Variants in QRFPR observed in about 807,000 individuals in gnomAD.
The protein encoded by QRFPR is pyroglutamylated RFamide peptide receptor.
QRFPR carries 37 observed loss-of-function variants against 31.3 expected under a neutral mutation model. That is an observed-to-expected ratio of 1.18 (90% CI 0.91 to 1.56). QRFPR has a LOEUF of 1.56. QRFPR is among the 40% of genes most tolerant of loss of function. The pLI, the probability that QRFPR is intolerant of heterozygous loss-of-function variation, is 0.00. For missense variants in QRFPR, 542 were observed against 532.5 expected (o/e 1.02, Z -0.18); for synonymous variants, 197 against 192.0 (o/e 1.03, Z -0.22).
At position 121,329,507 on chromosome 4, in the gene QRFPR, G is replaced by A; in HGVS notation, c.1103C>T (p.Thr368Ile). 1 of 1,614,044 alleles carries A rather than the reference G, an allele frequency of 6.2e-7. No homozygotes were observed. Among genetic ancestry groups the A allele is most frequent in the East Asian group, 2.2e-5 (1 of 44,866 alleles). Residue 368 changes from threonine to isoleucine, a missense_variant, in exon 6 of 6, where the codon ACA (threonine) becomes ATA (isoleucine). Coordinates refer to ENST00000394427, the MANE Select transcript of QRFPR (RefSeq NM_198179.3). The stretch of plus-strand genomic sequence containing the variant: ...AAACTTTGCTTTCTTCCGCATCATT[G>A]TAATTCCTGAATTTCCATGCCTTTG... ...PAQRHGNSGI[T>I]MMRKKAKFSL...
At chr4:121,334,378 T>G (rs1360597790) in intron 3 of QRFPR, 1 of 158,432 alleles carries the variant, frequency 6.3e-6, no homozygotes, top group Non-Finnish European at 1.4e-5. Context: ...CTGCCTAATA[T>G]CGTCCCCAAG....
At chr4:121,353,686 T>C (rs543823234) in intron 1 of QRFPR, among the ~76,000 whole-genome samples, 226 of 152,258 alleles carry the variant, frequency 1.5e-3, no homozygotes, top group African/African-American at 5.2e-3. Flanking sequence ...GTTGACCGTT[T>C]CCTTTGCTGT....
intron 1 of QRFPR, among the ~76,000 whole-genome samples, chr4:121,353,801 G>A (rs1464618686): frequency 6.6e-6 from 1 of 151,906 alleles, no homozygotes; most frequent in Non-Finnish European, 1.5e-5. Context: ...TCAATGTTCT[G>A]GACTGTTTAC....
intron 1 of QRFPR, among the ~76,000 whole-genome samples, chr4:121,353,624 G>A (rs1439880753): frequency 6.6e-5 from 10 of 152,056 alleles, no homozygotes; most frequent in Non-Finnish European, 1.5e-4. Flanking sequence ...TCCTTTGTCA[G>A]ATGGGTATTT....
At chr4:121,357,165 C>T (rs1725886306) in intron 1 of QRFPR, among the ~76,000 whole-genome samples, 1 of 152,016 alleles carries the variant, frequency 6.6e-6, no homozygotes, top group Non-Finnish European at 1.5e-5. Context: ...GTCAACAGGG[C>T]TGTGTTCTTT....
intron 4 of QRFPR, among the ~76,000 whole-genome samples, chr4:121,332,567 T>A (rs1008612078): frequency 3.3e-5 from 5 of 152,172 alleles, no homozygotes; most frequent in African/African-American, 1.2e-4. Flanking sequence ...TACCACATCA[T>A]GTATGTTCTA....
At chr4:121,345,698 T>C (rs1463387429) in intron 1 of QRFPR, among the ~76,000 whole-genome samples, 1 of 152,320 alleles carries the variant, frequency 6.6e-6, no homozygotes, top group African/African-American at 2.4e-5. Flanking sequence ...ATCTACTGCC[T>C]TCCATTCTCA....
At chr4:121,360,695 C>T (rs1405207599) in intron 1 of QRFPR, among the ~76,000 whole-genome samples, 13 of 152,168 alleles carry the variant, frequency 8.5e-5, no homozygotes, top group Admixed American at 8.5e-4. Context: ...TCATGGGTTG[C>T]AACTCTTACT....
rs1483132146 is a variant in QRFPR, at chr4:121,349,736, C to A, written c.341-9126G>T. Reference sequence around the variant, plus strand: ...TAAGTATAACTAAAACATAGGAAAGCCAGCATTTAAAATATAAAATCCTAA... The same window carrying A: ...TAAGTATAACTAAAACATAGGAAAGACAGCATTTAAAATATAAAATCCTAA... On this transcript the variant is annotated intron_variant, in intron 1 of 5. Transcript: ENST00000394427. Among the ~76,000 whole-genome samples, 4 of 152,090 alleles carry A rather than the reference C, an allele frequency of 2.6e-5. No individual in the cohort carries two copies. In the East Asian group the frequency reaches 7.7e-4, roughly 29 times the overall value.
At chr4:121,330,588 A>ATC in intron 4 of QRFPR, 65 bp from the exon 5 acceptor site, 1 of 1,153,236 alleles carries the variant, frequency 8.7e-7, no homozygotes, top group Non-Finnish European at 1.3e-6. Context: ...GCTTGATAGC[A>ATC]AAGCTATTAA....
intron 1 of QRFPR, among the ~76,000 whole-genome samples, chr4:121,355,945 CA>C (rs1352937559): frequency 6.6e-6 from 1 of 151,810 alleles, no homozygotes; most frequent in Non-Finnish European, 1.5e-5. Context: ...TTTCATTTTT[CA>C]AAAAAATTTT....
chr4:121,329,666 G>A lies in QRFPR; in HGVS notation c.944C>T (p.Ala315Val), dbSNP rs1443663067. The change falls in exon 6 of 6, where the codon GCT (alanine) becomes GTT (valine). Residue 315 changes from alanine to valine, a missense_variant. Coordinates refer to ENST00000394427, the MANE Select transcript of QRFPR (RefSeq NM_198179.3). ...YDDVTIKMIF[A>V]IVQIIGFSNS... ...GGAAAATCCAATAATTTGCACGATAGCAAAAATCATCTTGATTGTGACATC... is the reference window on the plus strand; with the variant it reads ...GGAAAATCCAATAATTTGCACGATAACAAAAATCATCTTGATTGTGACATC... 6.4e-7 allele frequency: 1 copy of A among 1,574,626 alleles called. No individual in the cohort carries two copies. The highest frequency in any genetic ancestry group is 1.9e-5 in the Admixed American group (1 of 52,752).
At chr4:121,339,787 C>T (rs893215064) in intron 2 of QRFPR, among the ~76,000 whole-genome samples, 7 of 152,012 alleles carry the variant, frequency 4.6e-5, no homozygotes, top group Non-Finnish European at 7.4e-5. Flanking sequence ...GACCCTGTTG[C>T]TACCAAAAAT....
chr4:121,378,669 C>T (rs537938794), intron 1 of QRFPR, among the ~76,000 whole-genome samples: 3 of 152,138 alleles, frequency 2.0e-5, no homozygotes, highest in South Asian at 2.1e-4. Flanking sequence ...GTGATCCGCC[C>T]GCCTCGGCCT....
At chr4:121,356,897 A>G (rs1725880598) in intron 1 of QRFPR, among the ~76,000 whole-genome samples, 1 of 152,076 alleles carries the variant, frequency 6.6e-6, no homozygotes, top group Admixed American at 6.6e-5. Context: ...TCTGAATCCT[A>G]CTGCTTGGCT....
At chr4:121,380,198 A>AGAGAGG (rs1395604711) in intron 1 of QRFPR, 110 bp downstream of exon 1, 181 of 137,708 alleles carry the variant, frequency 1.3e-3, no homozygotes, top group Middle Eastern at 5.3e-3. Context: ...AGAGAGAGAG[A>AGAGAGG]GAGAGAGAGA....
chr4:121,340,918 G>C (rs1256849868), intron 1 of QRFPR, among the ~76,000 whole-genome samples: 1 of 151,424 alleles, frequency 6.6e-6, no homozygotes, highest in African/African-American at 2.4e-5. Context: ...GAAGAGCAAA[G>C]TCATTGTAAA....
chr4:121,341,551 G>A lies in QRFPR; in HGVS notation c.341-941C>T, dbSNP rs566820727. On this transcript the variant is annotated intron_variant, in intron 1 of 5. Transcript: ENST00000394427. Reference sequence around the variant, plus strand: ...GATCTAAAACCCAAAGCTTTTTTGAGTGCTGATATGATGCCACAAGTAGAA... The same window carrying A: ...GATCTAAAACCCAAAGCTTTTTTGAATGCTGATATGATGCCACAAGTAGAA... Among the ~76,000 whole-genome samples the A allele has an allele frequency of 3.3e-5, 5 of 152,244 alleles. No homozygotes were observed. In the South Asian group the frequency reaches 6.2e-4, roughly 19 times the overall value.
intron 1 of QRFPR, among the ~76,000 whole-genome samples, chr4:121,374,367 T>C (rs34480116): frequency 0.16 from 24,566 of 152,240 alleles, 2,530 homozygotes; most frequent in Non-Finnish European, 0.24. Context: ...GTAGGCACTA[T>C]ACTTTTTTAA....
Sources: gnomAD v4.1 joint callset for allele counts (sites outside exome capture counted in the v4.1 genomes callset) on GRCh38, gnomAD v4.1.1 for gene constraint, MANE v1.5 for transcripts, NCBI Gene and HGNC (gene_info 2026-07-23, HGNC 2026-07-21) for gene names.